DNAH5: variants seen among roughly 807,000 people sequenced by gnomAD.
DNAH5 encodes axonemal beta dynein heavy chain 5.
DNAH5 carries 372 observed loss-of-function variants against 518.2 expected under a neutral mutation model. That is an observed-to-expected ratio of 0.72 (90% CI 0.66 to 0.78). The LOEUF is 0.78. Among genes scored for constraint, DNAH5 ranks in the 30% least tolerant of loss-of-function variants. The pLI is 0.00. For missense variants in DNAH5, 5,523 were observed against 5,687.0 expected (o/e 0.97, Z 0.93); for synonymous variants, 2,039 against 2,025.9 (o/e 1.01, Z -0.17).
intron 6 of DNAH5, 125 bp from the exon 7 acceptor site, chr5:13,919,477 T>C: frequency 2.7e-6 from 3 of 1,124,876 alleles, no homozygotes; most frequent in Non-Finnish European, 3.8e-6. Flanking sequence ...GCGTATTCCA[T>C]GCTTCCAATA....
intron 37 of DNAH5, 68 bp downstream of exon 37, chr5:13,829,958 A>T: frequency 1.4e-6 from 2 of 1,423,432 alleles, no homozygotes; most frequent in Non-Finnish European, 2.0e-6. Context: ...ATGACATATG[A>T]CCAGGGAGAT....
At position 13,922,724 on chromosome 5, in the gene DNAH5, T is replaced by C. The variant is rs1450891163; in HGVS notation, c.439-396A>G. ...ACCTGGGTGACAGAGCAAGACCCTG[T>C]CTCAAAAAAAAAAAAAAAAAAAAAT... On this transcript the variant is annotated intron_variant, in intron 4 of 78. Transcript: ENST00000265104. Among the ~76,000 whole-genome samples, 5 of 98,614 alleles carry C rather than the reference T, an allele frequency of 5.1e-5. No individual in the cohort carries two copies. In the East Asian group the frequency reaches 1.9e-3, roughly 37 times the overall value. The allele number at this position is 98,614 out of a possible 152,430, so 64.7% of individuals were successfully genotyped here.
intron 1 of DNAH5, among the ~76,000 whole-genome samples, chr5:13,972,070 T>G (rs983131062): frequency 4.6e-5 from 7 of 152,106 alleles, no homozygotes; most frequent in African/African-American, 1.7e-4. Flanking sequence ...TGGCTGCTTC[T>G]CCTGTGTCAT....
intron 46 of DNAH5, among the ~76,000 whole-genome samples, chr5:13,807,947 T>C (rs1759895430): frequency 6.6e-6 from 1 of 151,976 alleles, no homozygotes. Context: ...AAGAAATTTG[T>C]GGCCAGGTGT....
chr5:13,769,757 A>G (rs1753072540), intron 56 of DNAH5, 142 bp from the exon 57 acceptor site: 1 of 732,896 alleles, frequency 1.4e-6, no homozygotes. Context: ...GGGCTTAGCA[A>G]AAAGGATACA....
At chr5:13,986,435 C>A (rs780007134) in intron 1 of DNAH5, among the ~76,000 whole-genome samples, 1 of 152,180 alleles carries the variant, frequency 6.6e-6, no homozygotes, top group Non-Finnish European at 1.5e-5. Flanking sequence ...CTGGACCAAT[C>A]AGAGTTTCCA....
intron 65 of DNAH5, among the ~76,000 whole-genome samples, chr5:13,738,814 T>C (rs1476467164): frequency 6.6e-6 from 1 of 152,144 alleles, no homozygotes; most frequent in Non-Finnish European, 1.5e-5. Context: ...CTATCTGTGA[T>C]GCTAAAGAAA....
intron 70 of DNAH5, among the ~76,000 whole-genome samples, chr5:13,726,122 A>G (rs771300989): frequency 1.3e-5 from 2 of 152,248 alleles, no homozygotes; most frequent in Non-Finnish European, 2.9e-5. Flanking sequence ...GATTGAATGT[A>G]TCTACATTGT....
At chr5:13,760,479 C>T (rs1219144218) in intron 60 of DNAH5, among the ~76,000 whole-genome samples, 4 of 152,130 alleles carry the variant, frequency 2.6e-5, no homozygotes, top group African/African-American at 7.2e-5. Flanking sequence ...GATGTTGTTA[C>T]TGTTATTATC....
chr5:13,911,167 T>C (rs1346761303), intron 12 of DNAH5, among the ~76,000 whole-genome samples: 2 of 152,238 alleles, frequency 1.3e-5, no homozygotes, highest in African/African-American at 2.4e-5. Flanking sequence ...GGAAGTCTGA[T>C]ACACATCATT....
intron 7 of DNAH5, 23 bp downstream of exon 7, chr5:13,919,153 G>A: frequency 5.6e-6 from 9 of 1,613,818 alleles, no homozygotes; most frequent in Non-Finnish European, 7.6e-6. Context: ...CATTTCACAA[G>A]GCAAAATGAA....
Position 13,752,222 on chromosome 5 carries a change from A to G in DNAH5, c.10940T>C (p.Leu3647Ser), listed in dbSNP as rs1348766278. Residue 3647 changes from leucine to serine, a missense_variant, in exon 64 of 79, where the codon TTG (leucine) becomes TCG (serine). Leu to Ser is a moderately radical substitution (Grantham distance 145). Transcript: ENST00000265104. Reference protein sequence around the residue: ...LEDSLSLGRPLLIEDVGEELD... With the variant: ...LEDSLSLGRPSLIEDVGEELD... Reference sequence around the variant, plus strand: ...TTCCTCTCCAACATCTTCAATAAGCAAAGGCCTTCCAAGAGAAAGGCTGTC... The same window carrying G: ...TTCCTCTCCAACATCTTCAATAAGCGAAGGCCTTCCAAGAGAAAGGCTGTC... 6.2e-7 allele frequency: 1 copy of G among 1,614,046 alleles called. No individual in the cohort carries two copies. The highest frequency in any genetic ancestry group is 8.5e-7 in the Non-Finnish European group (1 of 1,179,942).
intron 61 of DNAH5, 86 bp downstream of exon 61, chr5:13,758,760 C>A: frequency 1.3e-6 from 2 of 1,588,922 alleles, no homozygotes; most frequent in Non-Finnish European, 1.7e-6. Flanking sequence ...TGTATAAATT[C>A]AGTGAAACCC....
chr5:13,782,660 T>C (rs1755355500), intron 52 of DNAH5, among the ~76,000 whole-genome samples: 1 of 152,218 alleles, frequency 6.6e-6, no homozygotes, highest in Non-Finnish European at 1.5e-5. Context: ...GGTGGATATA[T>C]CAAGATGTTG....
intron 47 of DNAH5, among the ~76,000 whole-genome samples, chr5:13,797,974 T>C (rs1758083910): frequency 6.6e-6 from 1 of 151,294 alleles, no homozygotes; most frequent in African/African-American, 2.4e-5. Flanking sequence ...AAACACTGCA[T>C]GTTCTCACTC....
chr5:13,877,530 C>G (rs1350184241), intron 21 of DNAH5, among the ~76,000 whole-genome samples: 2 of 152,180 alleles, frequency 1.3e-5, no homozygotes, highest in East Asian at 1.9e-4. Flanking sequence ...TGGACACACC[C>G]AATACACATC....
intron 38 of DNAH5, among the ~76,000 whole-genome samples, chr5:13,826,143 G>A (rs1342530242): frequency 2.0e-5 from 3 of 152,202 alleles, no homozygotes; most frequent in Admixed American, 2.0e-4. Context: ...AAATCTGTGG[G>A]CATGAAGGGA....
intron 13 of DNAH5, among the ~76,000 whole-genome samples, chr5:13,901,799 T>C (rs1774665383): frequency 2.0e-5 from 3 of 152,112 alleles, no homozygotes; most frequent in Non-Finnish European, 4.4e-5. Flanking sequence ...ATCTATACAT[T>C]AGGAAATATT....
chr5:13,841,523 A>G (rs1157349495), intron 33 of DNAH5, among the ~76,000 whole-genome samples, 169 bp downstream of exon 33: 1 of 152,216 alleles, frequency 6.6e-6, no homozygotes, highest in Non-Finnish European at 1.5e-5. Context: ...ATGACCATAT[A>G]ATCTGTAGTT....
Sources: allele counts gnomAD v4.1 joint callset (sites outside exome capture counted in the v4.1 genomes callset), GRCh38; gene constraint gnomAD v4.1.1; transcripts MANE v1.5; gene names NCBI Gene and HGNC (gene_info 2026-07-23, HGNC 2026-07-21).